Variants in ANGPT1 observed in about 807,000 individuals in gnomAD.
ANGPT1 encodes angiopoietin-1.
A neutral mutation model predicts 62.2 loss-of-function variants in ANGPT1; 17 were observed. That is an observed-to-expected ratio of 0.27 (90% CI 0.19 to 0.41). The LOEUF is 0.41. Ranked by LOEUF, ANGPT1 falls within the 10% of genes least tolerant of loss-of-function variation. The pLI is 1.00. For synonymous variants in ANGPT1, 199 were observed against 198.9 expected (o/e 1.00, Z 0.00); for missense variants, 478 against 594.9 (o/e 0.80, Z 2.04).
chr8:107,320,005 A>C (rs1815113003), intron 4 of ANGPT1, among the ~76,000 whole-genome samples: 1 of 152,174 alleles, frequency 6.6e-6, no homozygotes. Flanking sequence ...GTCATTAAAA[A>C]GAAAAGATAT....
intron 1 of ANGPT1, among the ~76,000 whole-genome samples, chr8:107,364,615 T>A (rs1205807230): frequency 6.6e-6 from 1 of 152,186 alleles, no homozygotes; most frequent in Non-Finnish European, 1.5e-5. Flanking sequence ...TGTCTTCTCA[T>A]TGATAACTGT....
Position 107,491,848 on chromosome 8 carries a change from C to A in ANGPT1, c.297+5414G>T, listed in dbSNP as rs147991438. ...TCATTTAAATTACATTAAGCCAATA[C>A]CTTTATATGAGAGGAGTGCTATTAA... On this transcript the variant is annotated intron_variant, in intron 1 of 8. Transcript: ENST00000517746. Among the ~76,000 whole-genome samples, 31 of 152,224 alleles carry A rather than the reference C, an allele frequency of 2.0e-4. 1 individual carries two copies. The South Asian group carries it at 6.4e-3, about 32-fold the overall frequency.
rs370054847 is a variant in ANGPT1 at position 107,474,200 on chromosome 8, C to T, written c.297+23062G>A. ...GCAAAAATCCTCAATAAAATACTGG[C>T]AAACCGAATCCAGCAACATCAAAAA... On this transcript the variant is annotated intron_variant, in intron 1 of 8. Coordinates refer to ENST00000517746, the MANE Select transcript of ANGPT1 (RefSeq NM_001146.5). 3.8e-5 allele frequency among the ~76,000 whole-genome samples: 4 copies of T among 105,096 alleles called. No individual in the cohort carries two copies. The East Asian group carries it at 9.5e-4, about 25-fold the overall frequency. The allele number at this position is 105,096 out of a possible 152,430, so 68.9% of individuals were successfully genotyped here. A position where few individuals can be genotyped will look rare whatever the true frequency, so the allele number is the denominator to read the frequency against.
At chr8:107,316,152 A>G (rs1815008912) in intron 4 of ANGPT1, among the ~76,000 whole-genome samples, 2 of 152,154 alleles carry the variant, frequency 1.3e-5, no homozygotes, top group Non-Finnish European at 2.9e-5. Flanking sequence ...TTTCTTGCTG[A>G]TTCTAATTTT....
intron 1 of ANGPT1, among the ~76,000 whole-genome samples, chr8:107,408,378 A>G (rs765992020): frequency 1.8e-4 from 27 of 152,314 alleles, no homozygotes; most frequent in Non-Finnish European, 3.8e-4. Flanking sequence ...GGAAAATTTT[A>G]TAAGTTTGAA....
intron 1 of ANGPT1, among the ~76,000 whole-genome samples, chr8:107,351,114 G>T (rs755521877): frequency 6.6e-6 from 1 of 152,058 alleles, no homozygotes; most frequent in Non-Finnish European, 1.5e-5. Flanking sequence ...TAATGTAGGA[G>T]TCTCTCAACC....
At chr8:107,317,926 T>C (rs1272752847) in intron 4 of ANGPT1, among the ~76,000 whole-genome samples, 1 of 152,190 alleles carries the variant, frequency 6.6e-6, no homozygotes, top group Non-Finnish European at 1.5e-5. Flanking sequence ...CCACCGCGCC[T>C]GGCCAACTAG....
intron 3 of ANGPT1, among the ~76,000 whole-genome samples, chr8:107,333,571 A>G (rs571126476): frequency 1.3e-5 from 2 of 152,316 alleles, no homozygotes; most frequent in South Asian, 4.1e-4. Context: ...AGAAAACCTG[A>G]GTTTTCTGTT....
At chr8:107,491,042 A>T (rs1004913485) in intron 1 of ANGPT1, among the ~76,000 whole-genome samples, 1 of 152,220 alleles carries the variant, frequency 6.6e-6, no homozygotes, top group African/African-American at 2.4e-5. Context: ...TTATAGTCCA[A>T]ATCTGCTCAT....
chr8:107,285,910 G>C (rs773667837), intron 6 of ANGPT1, among the ~76,000 whole-genome samples: 6 of 152,084 alleles, frequency 3.9e-5, no homozygotes, highest in Non-Finnish European at 5.9e-5. Flanking sequence ...GTGAAGAGCT[G>C]ACATGCACTG....
intron 4 of ANGPT1, among the ~76,000 whole-genome samples, chr8:107,307,581 GT>G (rs891472620): frequency 2.0e-5 from 3 of 151,736 alleles, no homozygotes; most frequent in African/African-American, 4.8e-5. Flanking sequence ...TTCCCCTCGC[GT>G]TTTTTGTTGA....
At chr8:107,331,506 G>A (rs1815420371) in intron 3 of ANGPT1, among the ~76,000 whole-genome samples, 1 of 152,056 alleles carries the variant, frequency 6.6e-6, no homozygotes, top group South Asian at 2.1e-4. Context: ...TCATCACATT[G>A]CAAAAATATT....
chr8:107,477,179 T>C (rs546560055), intron 1 of ANGPT1, among the ~76,000 whole-genome samples: 15 of 152,170 alleles, frequency 9.9e-5, no homozygotes, highest in Non-Finnish European at 1.6e-4. Flanking sequence ...TTGCCTGACC[T>C]ATCACACCTA....
chr8:107,270,505 A>G (rs1813711477), intron 7 of ANGPT1, among the ~76,000 whole-genome samples: 2 of 152,016 alleles, frequency 1.3e-5, no homozygotes. Context: ...TGATGTGGCT[A>G]TGATTTCTAG....
chr8:107,329,105 A>G (rs1403825711), intron 3 of ANGPT1, among the ~76,000 whole-genome samples: 1 of 152,098 alleles, frequency 6.6e-6, no homozygotes, highest in Non-Finnish European at 1.5e-5. Flanking sequence ...TGCACATATC[A>G]TATAAACAAG....
chr8:107,433,803 A>G (rs1185558175), intron 1 of ANGPT1, among the ~76,000 whole-genome samples: 1 of 152,218 alleles, frequency 6.6e-6, no homozygotes, highest in Non-Finnish European at 1.5e-5. Context: ...GTAGATGAGC[A>G]TGAACTGGAG....
chr8:107,477,800 A>G lies in ANGPT1; in HGVS notation c.297+19462T>C, dbSNP rs552854743. Among the ~76,000 whole-genome samples the G allele has an allele frequency of 7.0e-4, 106 of 152,264 alleles. 1 individual carries two copies. The South Asian group carries it at 0.022, about 32-fold the overall frequency. On this transcript the variant is annotated intron_variant, in intron 1 of 8. Transcript: ENST00000517746. ...TTATATGTATTTCTTCCTTTGAAAA[A>G]AAAGAATAAAATTAGCCAAGGATTT...
At chr8:107,483,838 C>T (rs1229089932) in intron 1 of ANGPT1, among the ~76,000 whole-genome samples, 1 of 152,136 alleles carries the variant, frequency 6.6e-6, no homozygotes, top group Non-Finnish European at 1.5e-5. Flanking sequence ...ATCAGGATAA[C>T]TCCAACTAAG....
intron 3 of ANGPT1, chr8:107,322,591 C>A: frequency 5.5e-6 from 1 of 181,604 alleles, no homozygotes; most frequent in South Asian, 1.1e-4. Context: ...GACTAAATTT[C>A]ACGATAGTTC....
Sources: allele counts gnomAD v4.1 joint callset (sites outside exome capture counted in the v4.1 genomes callset), GRCh38; gene constraint gnomAD v4.1.1; transcripts MANE v1.5; gene names NCBI Gene and HGNC (gene_info 2026-07-23, HGNC 2026-07-21).